Variants in PPFIA2 observed in about 807,000 individuals in gnomAD.
The protein encoded by PPFIA2 is liprin-alpha-2.
PPFIA2 carries 46 observed loss-of-function variants against 175.5 expected under a neutral mutation model. That is an observed-to-expected ratio of 0.26 (90% CI 0.21 to 0.34). The LOEUF (loss-of-function observed/expected upper bound fraction) is 0.34. Ranked by LOEUF, PPFIA2 falls within the 10% of genes least tolerant of loss-of-function variation. The pLI, the probability that PPFIA2 is intolerant of heterozygous loss-of-function variation, is 1.00. For missense variants in PPFIA2, 1,179 were observed against 1,506.1 expected, an observed-to-expected ratio of 0.78 and a Z score of 3.60; for synonymous variants, 568 against 511.4, an observed-to-expected ratio of 1.11 and a Z score of -1.49.
At chr12:81,361,989 CTATCTATGTATCTATG>C (rs1324237570) in intron 15 of PPFIA2, among the ~76,000 whole-genome samples, 3 of 141,374 alleles carry the variant, frequency 2.1e-5, no homozygotes, top group East Asian at 4.2e-4. Context: ...ATCTATGTAT[CTATCTATGTATCTATG>C]TATCTATCTA....
chr12:81,273,977 T>C (rs139580694), intron 28 of PPFIA2, among the ~76,000 whole-genome samples: 4 of 152,076 alleles, frequency 2.6e-5, no homozygotes, highest in African/African-American at 9.6e-5. Flanking sequence ...TAATTGTCTC[T>C]CTGAGTCAGT....
intron 7 of PPFIA2, among the ~76,000 whole-genome samples, chr12:81,418,606 C>T (rs2045728376): frequency 6.6e-6 from 1 of 151,902 alleles, no homozygotes; most frequent in Non-Finnish European, 1.5e-5. Flanking sequence ...GAAGTTGTGA[C>T]AGAGACCATC....
At chr12:81,494,943 G>T (rs1163820557) in intron 4 of PPFIA2, among the ~76,000 whole-genome samples, 3 of 113,220 alleles carry the variant, frequency 2.6e-5, no homozygotes, top group Non-Finnish European at 3.4e-5. Context: ...GGGGACTGTT[G>T]TGGGGTGGGG....
intron 24 of PPFIA2, 85 bp downstream of exon 24, chr12:81,294,750 G>T: frequency 8.2e-7 from 1 of 1,225,164 alleles, no homozygotes; most frequent in South Asian, 1.3e-5. Flanking sequence ...ATTGAAATGT[G>T]TGCTGTCACA....
intron 4 of PPFIA2, among the ~76,000 whole-genome samples, chr12:81,673,300 T>C (rs2071791189): frequency 6.6e-6 from 1 of 152,080 alleles, no homozygotes; most frequent in South Asian, 2.1e-4. Context: ...TGCACCCCAG[T>C]ACTTCAGTAT....
intron 4 of PPFIA2, among the ~76,000 whole-genome samples, chr12:81,531,141 G>A (rs1226809877): frequency 6.6e-6 from 1 of 151,832 alleles, no homozygotes; most frequent in Non-Finnish European, 1.5e-5. Context: ...GAATTACTTT[G>A]CAACCAGTTT....
At chr12:81,553,149 T>C (rs577849118) in intron 4 of PPFIA2, among the ~76,000 whole-genome samples, 16 of 152,054 alleles carry the variant, frequency 1.1e-4, no homozygotes, top group Admixed American at 5.9e-4. Flanking sequence ...AGAAGGTATC[T>C]TAGGCGAGCT....
intron 6 of PPFIA2, among the ~76,000 whole-genome samples, chr12:81,441,453 A>C (rs933403984): frequency 6.6e-6 from 1 of 152,080 alleles, no homozygotes; most frequent in Non-Finnish European, 1.5e-5. Context: ...CTTGATTTCT[A>C]AAAGAGTTGC....
intron 3 of PPFIA2, among the ~76,000 whole-genome samples, chr12:81,682,111 A>G (rs993102418): frequency 3.3e-5 from 5 of 152,146 alleles, no homozygotes; most frequent in Admixed American, 2.0e-4. Flanking sequence ...AGATGTTGAA[A>G]TCTTAACCCT....
intron 8 of PPFIA2, among the ~76,000 whole-genome samples, chr12:81,385,730 T>C (rs1340872053): frequency 6.6e-6 from 1 of 152,104 alleles, no homozygotes; most frequent in Non-Finnish European, 1.5e-5. Flanking sequence ...GATGAGTTAA[T>C]GGGAGATGTT....
intron 4 of PPFIA2, among the ~76,000 whole-genome samples, chr12:81,654,219 G>A (rs1187409143): frequency 6.6e-6 from 1 of 151,796 alleles, no homozygotes; most frequent in African/African-American, 2.4e-5. Context: ...AAAAGATACA[G>A]AGTGATAACA....
intron 4 of PPFIA2, among the ~76,000 whole-genome samples, chr12:81,568,106 T>A (rs532373605): frequency 3.3e-5 from 5 of 152,360 alleles, no homozygotes; most frequent in African/African-American, 1.2e-4. Flanking sequence ...GCAATTCATG[T>A]AAACTTCCTC....
intron 15 of PPFIA2, among the ~76,000 whole-genome samples, chr12:81,359,836 A>G (rs2061364502): frequency 6.6e-6 from 1 of 151,940 alleles, no homozygotes. Flanking sequence ...AGATCTAATC[A>G]TATCAATTTC....
At chr12:81,742,266 C>T (rs1388686177) in intron 3 of PPFIA2, among the ~76,000 whole-genome samples, 6 of 152,120 alleles carry the variant, frequency 3.9e-5, no homozygotes, top group South Asian at 2.1e-4. Flanking sequence ...ACTTTTTATC[C>T]GAATCAGAAT....
intron 4 of PPFIA2, among the ~76,000 whole-genome samples, chr12:81,569,772 TATA>T (rs1219305847): frequency 2.0e-5 from 3 of 152,190 alleles, no homozygotes; most frequent in African/African-American, 4.8e-5. Flanking sequence ...GAGCTTTATT[TATA>T]TATGCTAAAA....
intron 25 of PPFIA2, 99 bp from the exon 26 acceptor site, chr12:81,283,138 C>A: frequency 3.5e-6 from 4 of 1,137,034 alleles, no homozygotes; most frequent in Non-Finnish European, 5.2e-6. Flanking sequence ...AATTGTTATA[C>A]AAAATATTTT....
chr12:81,744,742 A>G (rs2082821967), intron 3 of PPFIA2, among the ~76,000 whole-genome samples: 1 of 152,110 alleles, frequency 6.6e-6, no homozygotes, highest in Non-Finnish European at 1.5e-5. Context: ...AATGCTTTCT[A>G]TTGTCCATGT....
In PPFIA2 at chr12:81,447,201, T is replaced by C. The variant is rs184982608; in HGVS notation, c.406-1481A>G. Among the ~76,000 whole-genome samples, 26 of 152,250 alleles carry C rather than the reference T, an allele frequency of 1.7e-4. No homozygotes were observed. The East Asian group carries it at 4.6e-3, about 27-fold the overall frequency. ...TAACCTGAAATTTTCAAGGAGCCCT[T>C]TAAAATTTATCAATCTCTGATTATA... is the stretch of plus-strand genomic sequence containing the variant. On this transcript the variant is annotated intron_variant, in intron 5 of 32. Coordinates refer to ENST00000549396, the MANE Select transcript of PPFIA2 (RefSeq NM_003625.5).
chr12:81,319,237 A>T (rs1396073198), intron 22 of PPFIA2, among the ~76,000 whole-genome samples: 2 of 151,754 alleles, frequency 1.3e-5, no homozygotes, highest in Non-Finnish European at 3.0e-5. Flanking sequence ...CTCTAAATAG[A>T]TCAAATATAT....
Sources: allele counts gnomAD v4.1 joint callset (sites outside exome capture counted in the v4.1 genomes callset), GRCh38; gene constraint gnomAD v4.1.1; transcripts MANE v1.5; gene names NCBI Gene and HGNC (gene_info 2026-07-23, HGNC 2026-07-21).